Variants in TBC1D22A observed in about 807,000 individuals in gnomAD.
TBC1D22A encodes putative GTPase activator.
TBC1D22A carries 38 observed loss-of-function variants against 60.2 expected under a neutral mutation model. The ratio of observed to expected loss-of-function variants is 0.63; its 90% CI spans 0.49 to 0.83. The LOEUF (loss-of-function observed/expected upper bound fraction) is 0.83, where lower values mean the gene tolerates loss of function less well. Among genes scored for constraint, TBC1D22A ranks in the 40% least tolerant of loss-of-function variants. The probability of loss-of-function intolerance (pLI) is 0.00; values close to 1 mark genes in which losing one functional copy is unlikely to be tolerated. For synonymous variants in TBC1D22A, 302 were observed against 281.7 expected (o/e 1.07, Z -0.72); for missense variants, 628 against 701.0 (o/e 0.90, Z 1.18).
At chr22:47,084,284 C>T (rs1261899124) in intron 11 of TBC1D22A, among the ~76,000 whole-genome samples, 1 of 152,234 alleles carries the variant, frequency 6.6e-6, no homozygotes, top group Admixed American at 6.5e-5. Context: ...TGTAGACATT[C>T]CCATCATTGC....
intron 8 of TBC1D22A, among the ~76,000 whole-genome samples, chr22:46,929,295 G>A (rs1416025766): frequency 6.6e-6 from 1 of 152,134 alleles, no homozygotes; most frequent in Non-Finnish European, 1.5e-5. Context: ...CTTAGAAGAG[G>A]CGTCACTGAA....
chr22:46,989,195 T>C (rs1025843042), intron 9 of TBC1D22A, among the ~76,000 whole-genome samples: 5 of 152,246 alleles, frequency 3.3e-5, no homozygotes, highest in African/African-American at 1.2e-4. Context: ...CTTAGGAGAA[T>C]GTGTAGCTGT....
intron 4 of TBC1D22A, among the ~76,000 whole-genome samples, chr22:46,844,775 G>T (rs893346827): frequency 1.5e-4 from 23 of 152,234 alleles, no homozygotes; most frequent in African/African-American, 5.5e-4. Flanking sequence ...TCTGAGCACA[G>T]TGAGGCTGGC....
intron 11 of TBC1D22A, among the ~76,000 whole-genome samples, chr22:47,064,295 G>A (rs539744048): frequency 6.6e-6 from 1 of 152,394 alleles, no homozygotes; most frequent in African/African-American, 2.4e-5. Context: ...GCGGTGCCGG[G>A]CGGTCATGCC....
intron 5 of TBC1D22A, among the ~76,000 whole-genome samples, chr22:46,881,253 A>G (rs1379747637): frequency 1.3e-5 from 2 of 152,124 alleles, no homozygotes; most frequent in African/African-American, 4.8e-5. Flanking sequence ...TCATTCATCC[A>G]TTCATTCATC....
chr22:47,059,180 G>A (rs973112020), intron 11 of TBC1D22A, among the ~76,000 whole-genome samples: 6 of 152,262 alleles, frequency 3.9e-5, no homozygotes, highest in African/African-American at 1.4e-4. Flanking sequence ...GCAAAGCGCT[G>A]GGGGACAGGC....
intron 8 of TBC1D22A, among the ~76,000 whole-genome samples, chr22:46,968,596 C>A (rs113480095): frequency 4.0e-5 from 6 of 148,952 alleles, no homozygotes; most frequent in African/African-American, 1.2e-4. Context: ...CCTGAGTGGG[C>A]GGGCGTCCTC....
intron 12 of TBC1D22A, among the ~76,000 whole-genome samples, chr22:47,113,199 G>T (rs546952211): frequency 6.6e-6 from 1 of 152,198 alleles, no homozygotes; most frequent in African/African-American, 2.4e-5. Flanking sequence ...GGTTCCCACC[G>T]GCCAGCACAC....
At position 46,977,050 on chromosome 22, in the gene TBC1D22A, C is replaced by T. The variant is rs74370377; in HGVS notation, c.1125+2651C>T. ...GGCATTCCCGGGACAGGTTGGAGCT[C>T]GGTTACACCCAGCACACAAGGCTGA... On this transcript the variant is annotated intron_variant, in intron 9 of 12. Coordinates refer to ENST00000337137, the MANE Select transcript of TBC1D22A (RefSeq NM_014346.5). Among the ~76,000 whole-genome samples, 566 of 152,278 alleles carry T rather than the reference C, an allele frequency of 3.7e-3. 3 individuals carry two copies. The highest frequency in any genetic ancestry group is 0.013 in the African/African-American group (537 of 41,566).
At chr22:47,078,833 T>C (rs1038346145) in intron 11 of TBC1D22A, among the ~76,000 whole-genome samples, 1 of 152,170 alleles carries the variant, frequency 6.6e-6, no homozygotes, top group Non-Finnish European at 1.5e-5. Flanking sequence ...GTAGGAATGC[T>C]CCCACGGAGA....
chr22:46,905,395 G>C (rs765058579), intron 7 of TBC1D22A, among the ~76,000 whole-genome samples: 20 of 152,346 alleles, frequency 1.3e-4, no homozygotes, highest in Middle Eastern at 3.4e-3. Context: ...GCATGAAGAG[G>C]AGCTCAGGGT....
At chr22:47,006,506 C>G (rs945826244) in intron 10 of TBC1D22A, among the ~76,000 whole-genome samples, 4 of 152,210 alleles carry the variant, frequency 2.6e-5, no homozygotes, top group African/African-American at 7.2e-5. Flanking sequence ...GTGGTGAGAC[C>G]TTAGGCTGTG....
At chr22:47,001,399 G>A (rs1269060704) in intron 10 of TBC1D22A, among the ~76,000 whole-genome samples, 4 of 141,830 alleles carry the variant, frequency 2.8e-5, no homozygotes, top group East Asian at 2.0e-4. Context: ...AGCCGAGATC[G>A]CGCCATTGTA....
chr22:46,818,530 G>A (rs2085694997), intron 4 of TBC1D22A, among the ~76,000 whole-genome samples: 2 of 152,166 alleles, frequency 1.3e-5, no homozygotes, highest in African/African-American at 2.4e-5. Context: ...GCTTGTTTTT[G>A]TCAGGTTTGT....
chr22:46,841,709 G>T (rs998270037), intron 4 of TBC1D22A, among the ~76,000 whole-genome samples: 1 of 152,212 alleles, frequency 6.6e-6, no homozygotes, highest in Non-Finnish European at 1.5e-5. Context: ...GGAGATGTGA[G>T]CCAGAGAGTA....
chr22:46,788,734 A>T (rs147078490), intron 1 of TBC1D22A, among the ~76,000 whole-genome samples: 45 of 152,334 alleles, frequency 3.0e-4, no homozygotes, highest in African/African-American at 1.1e-3. Context: ...TGCAGAAATA[A>T]ATGTGATGTT....
At chr22:46,905,961 G>A (rs552817907) in intron 7 of TBC1D22A, among the ~76,000 whole-genome samples, 1 of 152,300 alleles carries the variant, frequency 6.6e-6, no homozygotes, top group South Asian at 2.1e-4. Context: ...TGTCTGCTGT[G>A]TTGGTGGGAT....
intron 4 of TBC1D22A, among the ~76,000 whole-genome samples, chr22:46,830,807 A>G (rs1242147172): frequency 6.6e-6 from 1 of 152,240 alleles, no homozygotes; most frequent in Non-Finnish European, 1.5e-5. Flanking sequence ...GGAAAAGTGC[A>G]GATAGATTCA....
At position 47,089,545 on chromosome 22, in the gene TBC1D22A, C is replaced by T. The variant is rs562961183; in HGVS notation, c.1330-21963C>T. Reference sequence around the variant, plus strand: ...GCACACAGACATGTGCGCACAAAGGCGGAAAGCCTGGCCTGGGTGAGCTCG... The same window carrying T: ...GCACACAGACATGTGCGCACAAAGGTGGAAAGCCTGGCCTGGGTGAGCTCG... On this transcript the variant is annotated intron_variant, in intron 11 of 12. Transcript: ENST00000337137. 4.0e-4 allele frequency among the ~76,000 whole-genome samples: 61 copies of T among 152,290 alleles called. No homozygotes were observed. In the South Asian group the frequency reaches 4.1e-3, roughly 10 times the overall value.
Sources: allele counts gnomAD v4.1 joint callset (sites outside exome capture counted in the v4.1 genomes callset), GRCh38; gene constraint gnomAD v4.1.1; transcripts MANE v1.5; gene names NCBI Gene and HGNC (gene_info 2026-07-23, HGNC 2026-07-21).